Variants in AQR observed in about 807,000 individuals in gnomAD.
AQR encodes the protein aquarius intron-binding spliceosomal factor, also known as RNA helicase aquarius.
A neutral mutation model predicts 180.5 loss-of-function variants in AQR; 61 were observed. That is an observed-to-expected ratio of 0.34 (90% confidence interval 0.28 to 0.42). AQR has a LOEUF of 0.42. Ranked by LOEUF, AQR falls within the 10% of genes least tolerant of loss-of-function variation. The pLI, the probability that AQR is intolerant of heterozygous loss-of-function variation, is 1.00. For missense variants in AQR, 1,281 were observed against 1,798.3 expected (o/e 0.71, Z 5.20); for synonymous variants, 551 against 588.8 (o/e 0.94, Z 0.93).
intron 27 of AQR, among the ~76,000 whole-genome samples, chr15:34,881,645 AC>A (rs1197006033): frequency 6.6e-6 from 1 of 152,190 alleles, no homozygotes; most frequent in Admixed American, 6.5e-5. Context: ...ATATGATGAA[AC>A]CATTTTAATA....
chr15:34,886,237 A>G (rs1372087739), intron 25 of AQR, among the ~76,000 whole-genome samples: 1 of 152,164 alleles, frequency 6.6e-6, no homozygotes, highest in Admixed American at 6.5e-5. Flanking sequence ...TTTCTACAGT[A>G]AAAAAAGAAA....
intron 2 of AQR, among the ~76,000 whole-genome samples, chr15:34,963,194 G>A (rs577619113): frequency 6.6e-6 from 1 of 152,232 alleles, no homozygotes; most frequent in South Asian, 2.1e-4. Flanking sequence ...GTCCAGTCTA[G>A]TCTCAAACTC....
intron 12 of AQR, among the ~76,000 whole-genome samples, chr15:34,929,941 G>A (rs1370920857): frequency 2.6e-5 from 4 of 152,070 alleles, no homozygotes; most frequent in Admixed American, 6.6e-5. Flanking sequence ...AAATGGTTAC[G>A]CACCCCCTGC....
intron 24 of AQR, among the ~76,000 whole-genome samples, chr15:34,889,596 A>C (rs1319373601): frequency 1.3e-5 from 2 of 152,252 alleles, no homozygotes; most frequent in African/African-American, 4.8e-5. Context: ...TATCAAACAA[A>C]GTCCAGCCAA....
chr15:34,891,769 T>G (rs1224946434), intron 23 of AQR, among the ~76,000 whole-genome samples: 1 of 152,192 alleles, frequency 6.6e-6, no homozygotes, highest in East Asian at 1.9e-4. Flanking sequence ...CATAATTTGT[T>G]TCTTTTATCA....
chr15:34,914,577 C>T (rs982213043), intron 16 of AQR, among the ~76,000 whole-genome samples: 7 of 152,156 alleles, frequency 4.6e-5, no homozygotes, highest in Admixed American at 3.3e-4. Flanking sequence ...ATCCTCTGTC[C>T]ATTCCCCTAG....
At chr15:34,932,903 CCAAGATCGTGCCACTGCACT>C (rs1157994500) in intron 10 of AQR, among the ~76,000 whole-genome samples, 1 of 152,058 alleles carries the variant, frequency 6.6e-6, no homozygotes, top group Non-Finnish European at 1.5e-5. Context: ...TTGTCTTGAA[CCAAGATCGTGCCACTGCACT>C]CAAGCCTGGA....
chr15:34,879,376 C>G (rs149475031), intron 27 of AQR, among the ~76,000 whole-genome samples: 72 of 151,776 alleles, frequency 4.7e-4, no homozygotes, highest in African/African-American at 1.7e-3. Context: ...CAAATTTCTA[C>G]CATGTTTCAT....
chr15:34,969,725 A>G lies in AQR; in HGVS notation c.-112T>C. Reference sequence around the variant, plus strand: ...CGGGGCGCTTAACTCCGCGCCGCACAAACGCTCCGGGCCGGATATCCTCAG... The same window carrying G: ...CGGGGCGCTTAACTCCGCGCCGCACGAACGCTCCGGGCCGGATATCCTCAG... On this transcript the variant is annotated 5_prime_UTR_variant, in exon 1 of 35. Transcript: ENST00000156471. 1.9e-6 allele frequency: 2 copies of G among 1,080,826 alleles called. No individual in the cohort carries two copies. The highest frequency in any genetic ancestry group is 1.6e-5 in the South Asian group (1 of 64,078). The allele number at this position is 1,080,826 out of a possible 1,614,324, so 67.0% of individuals were successfully genotyped here.
At chr15:34,910,098 G>A in intron 17 of AQR, 37 bp downstream of exon 17, 1 of 1,605,506 alleles carries the variant, frequency 6.2e-7, no homozygotes, top group South Asian at 1.1e-5. Context: ...TCATAACAAG[G>A]CAAAAGGTAA....
At chr15:34,962,408 C>A (rs2050284912) in intron 2 of AQR, among the ~76,000 whole-genome samples, 1 of 152,118 alleles carries the variant, frequency 6.6e-6, no homozygotes, top group African/African-American at 2.4e-5. Flanking sequence ...GAAAACAAGT[C>A]TTGTTCAATC....
In AQR at chr15:34,905,663, A is replaced by G. The variant is rs185282975; in HGVS notation, c.1831+882T>C. 3.7e-3 allele frequency among the ~76,000 whole-genome samples: 565 copies of G among 152,294 alleles called. 2 individuals carry two copies. The highest frequency in any genetic ancestry group is 4.6e-3 in the Non-Finnish European group (315 of 68,016). ...GTTCCCAATTAAGAACCACCACTAC[A>G]ATGAATTAAAATAGTCAAATTTAAG... On this transcript the variant is annotated intron_variant, in intron 18 of 34. Coordinates refer to ENST00000156471, the MANE Select transcript of AQR (RefSeq NM_014691.3).
intron 31 of AQR, chr15:34,868,750 G>GC (rs1267156917): frequency 1.3e-5 from 2 of 152,140 alleles, no homozygotes; most frequent in Non-Finnish European, 2.9e-5. Flanking sequence ...CATAAAAATA[G>GC]CATCAAAAGG....
chr15:34,862,634 G>T lies in AQR; in HGVS notation c.4029+233C>A, dbSNP rs538780295. On this transcript the variant is annotated intron_variant, in intron 33 of 34. Coordinates refer to ENST00000156471, the MANE Select transcript of AQR (RefSeq NM_014691.3). ...GCTGGTCTCAAACTCCTGGGCTCAA[G>T]CAATCCTCCTACCTCAGCCTCCCAA... Among the ~76,000 whole-genome samples, 214 of 152,192 alleles carry T rather than the reference G, an allele frequency of 1.4e-3. 1 individual carries two copies. The highest frequency in any genetic ancestry group is 4.4e-3 in the South Asian group (21 of 4,818).
intron 2 of AQR, 103 bp downstream of exon 2, chr15:34,964,126 CGTTAG>C: frequency 1.3e-6 from 1 of 772,822 alleles, no homozygotes; most frequent in Non-Finnish European, 2.1e-6. Context: ...TTTTGTAGAT[CGTTAG>C]GTTGTTTTTA....
At chr15:34,890,970 A>G (rs976897976) in intron 23 of AQR, among the ~76,000 whole-genome samples, 3 of 152,176 alleles carry the variant, frequency 2.0e-5, no homozygotes, top group African/African-American at 7.2e-5. Context: ...GAAAGGCAAA[A>G]GTTTCATAGT....
intron 9 of AQR, among the ~76,000 whole-genome samples, chr15:34,935,801 T>C (rs1893935647): frequency 6.6e-6 from 1 of 152,324 alleles, no homozygotes; most frequent in African/African-American, 2.4e-5. Context: ...TTCTGAGACA[T>C]ACATATACAG....
intron 32 of AQR, 24 bp downstream of exon 32, chr15:34,867,500 T>C (rs563591454): frequency 2.5e-6 from 4 of 1,582,364 alleles, no homozygotes; most frequent in African/African-American, 1.3e-5. Context: ...TCAATAAATA[T>C]TATGAAAGTT....
At chr15:34,893,564 CCCT>C (rs1893182301) in intron 23 of AQR, 96 bp downstream of exon 23, 1 of 974,434 alleles carries the variant, frequency 1.0e-6, no homozygotes, top group East Asian at 2.5e-5. Flanking sequence ...ACTTACCTCC[CCCT>C]CAACCCCTAA....
Sources: allele counts gnomAD v4.1 joint callset (sites outside exome capture counted in the v4.1 genomes callset), GRCh38; gene constraint gnomAD v4.1.1; transcripts MANE v1.5; gene names NCBI Gene and HGNC (gene_info 2026-07-23, HGNC 2026-07-21).